Variants in DNER observed in about 807,000 individuals in gnomAD.
The protein encoded by DNER is delta/notch like EGF repeat containing, also known as delta and Notch-like epidermal growth factor-related receptor.
In DNER, 33 loss-of-function variants were observed where a neutral mutation model predicts 78.2. The ratio of observed to expected loss-of-function variants is 0.42; its 90% confidence interval spans 0.32 to 0.56. The LOEUF (loss-of-function observed/expected upper bound fraction) is 0.56, where lower values mean the gene tolerates loss of function less well. Among genes scored for constraint, DNER ranks in the 20% least tolerant of loss-of-function variants. The pLI is 0.11. For missense variants in DNER, 918 were observed against 975.3 expected, an observed-to-expected ratio of 0.94 and a Z score of 0.78; for synonymous variants, 417 against 384.8, an observed-to-expected ratio of 1.08 and a Z score of -0.98.
intron 11 of DNER, among the ~76,000 whole-genome samples, chr2:229,382,098 C>G (rs1486626907): frequency 6.6e-6 from 1 of 152,220 alleles, no homozygotes; most frequent in Non-Finnish European, 1.5e-5. Flanking sequence ...TGTTCCACAG[C>G]CTCCATTGGT....
At position 229,447,532 on chromosome 2, in the gene DNER, C is replaced by T. The variant is rs766886541; in HGVS notation, c.1270G>A (p.Gly424Arg). 6 of 1,613,668 alleles carry T rather than the reference C, an allele frequency of 3.7e-6. No homozygotes were observed. Among genetic ancestry groups the T allele is most frequent in the African/African-American group, 2.7e-5 (2 of 74,872 alleles). Residue 424 changes from glycine (G) to arginine (R), a missense_variant, in exon 8 of 13, where the codon GGA (glycine) becomes AGA (arginine). Coordinates refer to ENST00000341772, the MANE Select transcript of DNER (RefSeq NM_139072.4). ...FTCQCPEGYF[G>R]SACEEKVDPC... ...TCCACCTTTTCTTCACAAGCAGATC[C>T]GAAGTATCCTGTGAAAAAACACATG...
chr2:229,509,897 G>C (rs1483501685), intron 6 of DNER, among the ~76,000 whole-genome samples: 2 of 152,150 alleles, frequency 1.3e-5, no homozygotes, highest in African/African-American at 2.4e-5. Context: ...GCTGAAAACA[G>C]ACAGTACTGT....
At chr2:229,453,052 G>T (rs975567382) in intron 7 of DNER, among the ~76,000 whole-genome samples, 1 of 152,216 alleles carries the variant, frequency 6.6e-6, no homozygotes, top group Non-Finnish European at 1.5e-5. Context: ...AGGGGAATTG[G>T]ATTTAAACAC....
intron 4 of DNER, among the ~76,000 whole-genome samples, chr2:229,551,342 A>C (rs1431344789): frequency 6.6e-6 from 1 of 152,150 alleles, no homozygotes; most frequent in East Asian, 1.9e-4. Context: ...ACATTAAGTA[A>C]GTATATATAG....
chr2:229,636,189 T>C, intron 1 of DNER, among the ~76,000 whole-genome samples: 1 of 152,114 alleles, frequency 6.6e-6, no homozygotes, highest in Non-Finnish European at 1.5e-5. Flanking sequence ...TGAAGCAAAA[T>C]GAGAACAGCT....
intron 6 of DNER, among the ~76,000 whole-genome samples, chr2:229,495,640 T>C (rs1214044790): frequency 6.6e-6 from 1 of 152,228 alleles, no homozygotes; most frequent in Non-Finnish European, 1.5e-5. Context: ...GGAAGGGTAA[T>C]ATTCTTTACA....
chr2:229,683,959 G>A (rs1367195133), intron 1 of DNER, among the ~76,000 whole-genome samples: 2 of 152,142 alleles, frequency 1.3e-5, no homozygotes, highest in Non-Finnish European at 2.9e-5. Context: ...AGAGCACTGT[G>A]TTAGGGGCTG....
intron 1 of DNER, among the ~76,000 whole-genome samples, chr2:229,638,538 T>C (rs1698564845): frequency 6.6e-6 from 1 of 152,184 alleles, no homozygotes; most frequent in South Asian, 2.1e-4. Context: ...AATCTCCTTT[T>C]CAACCTGCAC....
At chr2:229,696,112 C>T (rs1012194522) in intron 1 of DNER, among the ~76,000 whole-genome samples, 6 of 152,204 alleles carry the variant, frequency 3.9e-5, no homozygotes, top group African/African-American at 1.2e-4. Flanking sequence ...GCAGTGGTTG[C>T]TAAGCAACAA....
At position 229,615,481 on chromosome 2, in the gene DNER, G is replaced by A. The variant is rs188146544; in HGVS notation, c.277-23593C>T. On this transcript the variant is annotated intron_variant, in intron 1 of 12. Transcript: ENST00000341772. ...TCCCAGCACCTTGGGAGGCCGAGGC[G>A]GGTGGATCACGAGGTCAGGAGATCG... 8.3e-3 allele frequency among the ~76,000 whole-genome samples: 1,264 copies of A among 151,814 alleles called. 11 individuals carry two copies. The highest frequency in any genetic ancestry group is 0.021 in the Middle Eastern group (6 of 284).
chr2:229,711,309 A>G (rs774083361), intron 1 of DNER, among the ~76,000 whole-genome samples: 2 of 152,182 alleles, frequency 1.3e-5, no homozygotes, highest in African/African-American at 2.4e-5. Flanking sequence ...GCAATCAGAC[A>G]TCAAGGAATG....
rs138726653 is a variant in DNER, at chr2:229,689,188, C to T, written c.276+24960G>A. On this transcript the variant is annotated intron_variant, in intron 1 of 12. Coordinates refer to ENST00000341772, the MANE Select transcript of DNER (RefSeq NM_139072.4). ...TCCATAATCCAAGTTTATGCCTATA[C>T]GTTTAGCCTATGGTACCTATAGTCC... is the stretch of plus-strand genomic sequence containing the variant. 1.4e-3 allele frequency among the ~76,000 whole-genome samples: 209 copies of T among 152,256 alleles called. 1 individual carries two copies. The highest frequency in any genetic ancestry group is 4.9e-3 in the African/African-American group (204 of 41,540).
chr2:229,656,584 G>T (rs10933307), intron 1 of DNER, among the ~76,000 whole-genome samples: 80,176 of 151,778 alleles, frequency 0.53, 21,389 homozygotes, highest in Non-Finnish European at 0.55. Context: ...CTAGCCCCTC[G>T]AACCTGTTAT....
At chr2:229,509,083 AAATATGTAAAAATAGGCTATGCGTGAAC>A (rs1490082719) in intron 6 of DNER, among the ~76,000 whole-genome samples, 2 of 152,194 alleles carry the variant, frequency 1.3e-5, no homozygotes, top group Non-Finnish European at 2.9e-5. Context: ...GGTGCTTAGC[AAATATGTAAAAATAGGCTATGCGTGAAC>A]AAGATCGGAG....
intron 6 of DNER, among the ~76,000 whole-genome samples, chr2:229,510,594 AGGCACCTAGAAT>A (rs1695846972): frequency 6.6e-6 from 1 of 152,154 alleles, no homozygotes; most frequent in Admixed American, 6.5e-5. Context: ...AGGGAGAGGG[AGGCACCTAGAAT>A]GACTTGTAGA....
chr2:229,552,320 G>A (rs1397426310), intron 4 of DNER, among the ~76,000 whole-genome samples: 2 of 152,206 alleles, frequency 1.3e-5, no homozygotes, highest in African/African-American at 4.8e-5. Flanking sequence ...TTCAGGCTGA[G>A]ATGGTAAATG....
chr2:229,583,828 T>C (rs1697445377), intron 4 of DNER, among the ~76,000 whole-genome samples: 1 of 152,230 alleles, frequency 6.6e-6, no homozygotes, highest in Admixed American at 6.5e-5. Context: ...CAATTTCTGA[T>C]TATCTGTCAT....
intron 5 of DNER, among the ~76,000 whole-genome samples, chr2:229,527,554 G>A (rs1696231629): frequency 6.6e-6 from 1 of 152,186 alleles, no homozygotes; most frequent in South Asian, 2.1e-4. Flanking sequence ...CAGGCAGCCT[G>A]CCAGGCTGGT....
chr2:229,696,465 C>T (rs780452948), intron 1 of DNER, among the ~76,000 whole-genome samples: 33 of 152,184 alleles, frequency 2.2e-4, no homozygotes, highest in Non-Finnish European at 3.2e-4. Context: ...ATTTTTTCAA[C>T]TTTCTGGCCT....
Sources: allele counts gnomAD v4.1 joint callset (sites outside exome capture counted in the v4.1 genomes callset), GRCh38; gene constraint gnomAD v4.1.1; transcripts MANE v1.5; gene names NCBI Gene and HGNC (gene_info 2026-07-23, HGNC 2026-07-21).